OR14L1: variants seen among roughly 807,000 people sequenced by gnomAD.
The protein encoded by OR14L1 is olfactory receptor family 14 subfamily L member 1, also known as olfactory receptor 14L1.
At chr1:247,620,740 A>T in the OR14L1 span, 1 of 152,230 alleles carries the variant, frequency 6.6e-6, no homozygotes, top group Non-Finnish European at 1.5e-5. Context: ...TATTTGGGTG[A>T]ATTCAACCTT....
chr1:247,617,684 G>C, the OR14L1 span, among the ~76,000 whole-genome samples: 2 of 140,276 alleles, frequency 1.4e-5, no homozygotes, highest in East Asian at 2.2e-4. Flanking sequence ...TTTCCTTTCA[G>C]TGGTGAAAGG....
At chr1:247,620,255 T>A in the OR14L1 span, 1 of 152,244 alleles carries the variant, frequency 6.6e-6, no homozygotes, top group Non-Finnish European at 1.5e-5. Flanking sequence ...GGTACAAGTC[T>A]TGTGATAATC....
chr1:247,622,195 A>C, the OR14L1 span: 3 of 152,148 alleles, frequency 2.0e-5, no homozygotes, highest in Non-Finnish European at 4.4e-5. Context: ...TGCTCACTTC[A>C]CGTCTGTGTG....
chr1:247,618,052 G>A, the OR14L1 span, among the ~76,000 whole-genome samples: 1 of 152,012 alleles, frequency 6.6e-6, no homozygotes, highest in African/African-American at 2.4e-5. Flanking sequence ...TCTTTTACTT[G>A]GTCACAAGAA....
the OR14L1 span, among the ~76,000 whole-genome samples, chr1:247,618,513 T>C: frequency 6.9e-6 from 1 of 144,694 alleles, no homozygotes; most frequent in African/African-American, 2.6e-5. Context: ...CCCATTTTAC[T>C]GGACTAGACC....
chr1:247,618,113 T>C, the OR14L1 span, among the ~76,000 whole-genome samples: 1 of 152,170 alleles, frequency 6.6e-6, no homozygotes, highest in Non-Finnish European at 1.5e-5. Context: ...ACCAGCTATT[T>C]AGGCGATCAA....
the OR14L1 span, among the ~76,000 whole-genome samples, chr1:247,618,009 G>A: frequency 6.6e-6 from 1 of 152,104 alleles, no homozygotes; most frequent in Non-Finnish European, 1.5e-5. Flanking sequence ...CTGGTAAACT[G>A]TAATCAGAAT....
At chr1:247,617,546 T>G in the OR14L1 span, 2 of 152,378 alleles carry the variant, frequency 1.3e-5, no homozygotes, top group Admixed American at 1.3e-4. Context: ...ACACAGTTAT[T>G]TCTTTTTTTG....
the OR14L1 span, among the ~76,000 whole-genome samples, chr1:247,617,693 G>GGTGT: frequency 0.24 from 34,659 of 143,666 alleles, 4,501 homozygotes; most frequent in Admixed American, 0.34. Context: ...AGTGGTGAAA[G>GGTGT]GTGTGTGTGT....
chr1:247,619,892 C>G, the OR14L1 span: 1 of 152,158 alleles, frequency 6.6e-6, no homozygotes, highest in Non-Finnish European at 1.5e-5. Flanking sequence ...ATTGTTAGTT[C>G]CTTGACTCAT....
At chr1:247,620,614 G>A in the OR14L1 span, 1 of 152,098 alleles carries the variant, frequency 6.6e-6, no homozygotes, top group South Asian at 2.1e-4. Flanking sequence ...CCAGACTCTT[G>A]AACTCTTGCT....
At chr1:247,619,804 C>G in the OR14L1 span, 1 of 152,188 alleles carries the variant, frequency 6.6e-6, no homozygotes, top group Non-Finnish European at 1.5e-5. Flanking sequence ...TGTTCACCTC[C>G]AAACCCCAAT....
chr1:247,617,220 A>C, the OR14L1 span: 1 of 152,230 alleles, frequency 6.6e-6, no homozygotes, highest in Non-Finnish European at 1.5e-5. Context: ...GGAGAAGATA[A>C]AGACATTTGC....
the OR14L1 span, chr1:247,621,857 A>G: frequency 1.3e-5 from 2 of 152,174 alleles, no homozygotes; most frequent in Non-Finnish European, 2.9e-5. Flanking sequence ...AGGTTCATCC[A>G]TATTGTCACC....
At chr1:247,620,042 T>A in the OR14L1 span, 3 of 152,414 alleles carry the variant, frequency 2.0e-5, no homozygotes, top group South Asian at 6.2e-4. Context: ...TATGAGGTCA[T>A]CATAAACCAA....
chr1:247,617,688 T>C, the OR14L1 span, among the ~76,000 whole-genome samples: 1 of 128,654 alleles, frequency 7.8e-6, no homozygotes, highest in Non-Finnish European at 1.6e-5. Flanking sequence ...CTTTCAGTGG[T>C]GAAAGGTGTG....
At chr1:247,617,671 A>C in the OR14L1 span, among the ~76,000 whole-genome samples, 4 of 149,862 alleles carry the variant, frequency 2.7e-5, no homozygotes, top group Non-Finnish European at 5.9e-5. Context: ...GGATGAGTCT[A>C]TATTTCCTTT....
chr1:247,620,437 C>T, the OR14L1 span: 1 of 152,056 alleles, frequency 6.6e-6, no homozygotes. Context: ...TTCAAATTCT[C>T]CCCCCGTTCT....
chr1:247,619,270 A>C, the OR14L1 span, among the ~76,000 whole-genome samples: 1 of 152,214 alleles, frequency 6.6e-6, no homozygotes, highest in Non-Finnish European at 1.5e-5. Context: ...CTTCAAAATA[A>C]ATATGTATAT....
Sources: gnomAD v4.1 joint callset for allele counts (sites outside exome capture counted in the v4.1 genomes callset) on GRCh38, gnomAD v4.1.1 for gene constraint, MANE v1.5 for transcripts, NCBI Gene and HGNC (gene_info 2026-07-23, HGNC 2026-07-21) for gene names.